EBPL: variants seen among roughly 807,000 people sequenced by gnomAD.
EBPL encodes the protein emopamil-binding protein-like.
Under a neutral mutation model 19.0 loss-of-function variants are expected in EBPL, and 20 were observed. The observed-to-expected ratio is 1.05, with a 90% confidence interval of 0.74 to 1.53. EBPL has a LOEUF of 1.53. EBPL is among the 40% of genes most tolerant of loss of function. EBPL has a pLI of 0.00. For synonymous variants in EBPL, 107 were observed against 117.0 expected (o/e 0.91, Z 0.55); for missense variants, 219 against 261.1 (o/e 0.84, Z 1.11).
intron 2 of EBPL, 84 bp from the exon 3 acceptor site, chr13:49,663,279 G>T: frequency 2.6e-6 from 4 of 1,542,050 alleles, no homozygotes; most frequent in Non-Finnish European, 3.6e-6. Flanking sequence ...CCTTTAAGGT[G>T]GAGATAAAAT....
At chr13:49,672,632 G>T (rs897564918) in intron 1 of EBPL, among the ~76,000 whole-genome samples, 1 of 152,184 alleles carries the variant, frequency 6.6e-6, no homozygotes, top group Non-Finnish European at 1.5e-5. Flanking sequence ...ATGGGCAAAA[G>T]AAATGAATAG....
intron 1 of EBPL, among the ~76,000 whole-genome samples, chr13:49,684,514 C>T (rs1953976822): frequency 6.6e-6 from 1 of 151,988 alleles, no homozygotes; most frequent in African/African-American, 2.4e-5. Context: ...CTACTAGAAA[C>T]ACACACTAAA....
intron 1 of EBPL, among the ~76,000 whole-genome samples, chr13:49,686,864 T>C (rs1954004405): frequency 6.6e-6 from 1 of 152,166 alleles, no homozygotes; most frequent in Non-Finnish European, 1.5e-5. Context: ...GGCGTAATCA[T>C]ATCTCACTGC....
chr13:49,676,568 G>A lies in EBPL; in HGVS notation c.172-6722C>T, dbSNP rs556899366. Reference sequence around the variant, plus strand: ...GATCATACCACTGCACTCCAGCCTGGGCGACAGAGCAAGACTATGTCTCAA... The same window carrying A: ...GATCATACCACTGCACTCCAGCCTGAGCGACAGAGCAAGACTATGTCTCAA... On this transcript the variant is annotated intron_variant, in intron 1 of 3. Coordinates refer to ENST00000242827, the MANE Select transcript of EBPL (RefSeq NM_032565.5). Among the ~76,000 whole-genome samples the A allele has an allele frequency of 3.3e-5, 5 of 151,848 alleles. No homozygotes were observed. The East Asian group carries it at 9.7e-4, about 29-fold the overall frequency.
chr13:49,690,650 T>A (rs1192361698), intron 1 of EBPL, among the ~76,000 whole-genome samples: 1 of 152,166 alleles, frequency 6.6e-6, no homozygotes, highest in African/African-American at 2.4e-5. Context: ...CTAGACTGCC[T>A]CAGAATCATG....
At chr13:49,690,457 T>C (rs1373757132) in intron 1 of EBPL, among the ~76,000 whole-genome samples, 1 of 143,796 alleles carries the variant, frequency 7.0e-6, no homozygotes, top group Non-Finnish European at 1.5e-5. Context: ...GGGCATAGTT[T>C]AAAAAAAACT....
intron 1 of EBPL, among the ~76,000 whole-genome samples, chr13:49,686,171 A>G (rs928025954): frequency 6.6e-6 from 1 of 152,220 alleles, no homozygotes; most frequent in Admixed American, 6.5e-5. Context: ...GAAACAGGTC[A>G]ACCTCCATGG....
intron 2 of EBPL, among the ~76,000 whole-genome samples, chr13:49,663,447 A>ACG (rs1965178321): frequency 6.6e-6 from 1 of 152,074 alleles, no homozygotes; most frequent in African/African-American, 2.4e-5. Context: ...TTTCACATAC[A>ACG]CGCCCTCCTC....
chr13:49,668,708 G>A (rs1953774907), intron 2 of EBPL: 1 of 286,926 alleles, frequency 3.5e-6, no homozygotes, highest in East Asian at 1.2e-4. Context: ...ACAGTACATG[G>A]TAGAATATCA....
At chr13:49,665,177 C>T (rs1965209158) in intron 2 of EBPL, among the ~76,000 whole-genome samples, 1 of 145,748 alleles carries the variant, frequency 6.9e-6, no homozygotes, top group Non-Finnish European at 1.5e-5. Context: ...ATGGCATGAT[C>T]TCGGCTCACT....
chr13:49,671,556 AATTTTTT>A (rs778566545), intron 1 of EBPL, among the ~76,000 whole-genome samples: 74 of 152,288 alleles, frequency 4.9e-4, no homozygotes, highest in Non-Finnish European at 9.1e-4. Context: ...TTTACCAGCC[AATTTTTT>A]ATTTTTAGCA....
At chr13:49,667,107 G>A (rs1469278045) in intron 2 of EBPL, among the ~76,000 whole-genome samples, 3 of 152,164 alleles carry the variant, frequency 2.0e-5, no homozygotes, top group East Asian at 1.9e-4. Context: ...GGTAGGGGAC[G>A]GATAGTAAGG....
Position 49,671,318 on chromosome 13 carries a change from T to C in EBPL, c.172-1472A>G, listed in dbSNP as rs151046114. Among the ~76,000 whole-genome samples, 10 of 152,248 alleles carry C rather than the reference T, an allele frequency of 6.6e-5. No homozygotes were observed. The East Asian group carries it at 1.9e-3, about 29-fold the overall frequency. On this transcript the variant is annotated intron_variant, in intron 1 of 3. Transcript: ENST00000242827. ...ACATTCAGCTAATTTTTGTTATTTT[T>C]AGTAGAGATGGGATTTCACCATGTG...
chr13:49,689,773 T>A (rs1954039914), intron 1 of EBPL, among the ~76,000 whole-genome samples: 1 of 152,262 alleles, frequency 6.6e-6, no homozygotes, highest in South Asian at 2.1e-4. Flanking sequence ...TTGTTATACA[T>A]TTTTTCTAAC....
intron 1 of EBPL, among the ~76,000 whole-genome samples, chr13:49,683,689 T>C (rs1467755292): frequency 6.6e-6 from 1 of 151,952 alleles, no homozygotes; most frequent in African/African-American, 2.4e-5. Context: ...AAAACAAAAG[T>C]AAAAAACACA....
intron 1 of EBPL, among the ~76,000 whole-genome samples, chr13:49,682,893 C>T (rs1202647891): frequency 2.6e-5 from 4 of 152,140 alleles, no homozygotes; most frequent in Non-Finnish European, 5.9e-5. Flanking sequence ...CTTCCCCCAC[C>T]GCCCCAGGCT....
chr13:49,686,351 C>T (rs1162975916), intron 1 of EBPL: 7 of 1,074,286 alleles, frequency 6.5e-6, no homozygotes, highest in African/African-American at 1.7e-5. Context: ...CACCAAACCT[C>T]CTGCAGGGCT....
At chr13:49,690,504 G>A (rs1954051399) in intron 1 of EBPL, among the ~76,000 whole-genome samples, 1 of 148,310 alleles carries the variant, frequency 6.7e-6, no homozygotes, top group East Asian at 2.0e-4. Flanking sequence ...CGCGTGTGTG[G>A]TGGGGGGCGG....
chr13:49,689,881 G>T (rs1456010393), intron 1 of EBPL, among the ~76,000 whole-genome samples: 2 of 152,136 alleles, frequency 1.3e-5, no homozygotes, highest in East Asian at 1.9e-4. Flanking sequence ...CGGTGGCGGT[G>T]GCTCACGCCT....
Sources: gnomAD v4.1 joint callset for allele counts (sites outside exome capture counted in the v4.1 genomes callset) on GRCh38, gnomAD v4.1.1 for gene constraint, MANE v1.5 for transcripts, NCBI Gene and HGNC (gene_info 2026-07-23, HGNC 2026-07-21) for gene names.